The following RBFOX2 variants were observed in gnomAD, a reference collection of about 807,000 sequenced individuals.
The protein encoded by RBFOX2 is RNA binding protein fox-1 homolog 2.
In RBFOX2, 10 loss-of-function variants were observed where a neutral mutation model predicts 49.1. That is an observed-to-expected ratio of 0.20 (90% confidence interval 0.13 to 0.35). The LOEUF is 0.35. Ranked by LOEUF, RBFOX2 falls within the 10% of genes least tolerant of loss-of-function variation. The pLI, the probability that RBFOX2 is intolerant of heterozygous loss-of-function variation, is 1.00. For synonymous variants in RBFOX2, 183 were observed against 187.4 expected, an observed-to-expected ratio of 0.98 and a Z score of 0.19; for missense variants, 323 against 486.9, an observed-to-expected ratio of 0.66 and a Z score of 3.17.
chr22:35,817,849 A>T (rs1219666716), intron 1 of RBFOX2, among the ~76,000 whole-genome samples: 4 of 152,148 alleles, frequency 2.6e-5, no homozygotes, highest in African/African-American at 9.7e-5. Context: ...ATCCTTGCTT[A>T]GAATACCAAT....
chr22:35,760,174 C>A, intron 8 of RBFOX2, 154 bp from the exon 10 acceptor site: 1 of 938,284 alleles, frequency 1.1e-6, no homozygotes. Flanking sequence ...AACGTTCTAC[C>A]CTGGGTCTCT....
At chr22:35,994,261 T>C (rs1228930147) in intron 1 of RBFOX2, 3 of 152,104 alleles carry the variant, frequency 2.0e-5, no homozygotes, top group Non-Finnish European at 4.4e-5. Flanking sequence ...TTTCAACATG[T>C]TGATTTTAAA....
upstream of RBFOX2, among the ~76,000 whole-genome samples, chr22:35,842,253 T>C (rs556681392): frequency 5.9e-4 from 90 of 152,318 alleles, no homozygotes; most frequent in South Asian, 0.018. Context: ...GATATCTGTA[T>C]ACTTGTGGCA....
At chr22:35,977,724 A>ATATATATATATATATC (rs2057248245) in intron 1 of RBFOX2, among the ~76,000 whole-genome samples, 1 of 4,298 alleles carries the variant, frequency 2.3e-4, no homozygotes, top group African/African-American at 4.8e-4. Flanking sequence ...TGAATGAACT[A>ATATATATATATATATC]TATATATATA....
intron 1 of RBFOX2, among the ~76,000 whole-genome samples, chr22:35,906,813 CCAAACAAA>C (rs373509728): frequency 5.7e-4 from 86 of 151,952 alleles, no homozygotes; most frequent in Non-Finnish European, 1.0e-3. Context: ...AGACTCTGTC[CCAAACAAA>C]CAAACAAACA....
chr22:35,843,688 C>T (rs1279109190), upstream of RBFOX2, among the ~76,000 whole-genome samples: 2 of 152,316 alleles, frequency 1.3e-5, no homozygotes. Flanking sequence ...TCTTCTCCAT[C>T]GTACTCTTCT....
chr22:35,827,811 CTTAA>C (rs1956061026), intron 1 of RBFOX2, among the ~76,000 whole-genome samples: 1 of 152,148 alleles, frequency 6.6e-6, no homozygotes, highest in Non-Finnish European at 1.5e-5. Flanking sequence ...TGCAACACTG[CTTAA>C]TTTTCATTTA....
At chr22:35,786,025 T>C (rs1946320320) in intron 2 of RBFOX2, among the ~76,000 whole-genome samples, 1 of 152,198 alleles carries the variant, frequency 6.6e-6, no homozygotes, top group Admixed American at 6.5e-5. Flanking sequence ...CCAGATCTGG[T>C]CTGCAAGATG....
At chr22:35,936,831 A>G (rs2053130628) in intron 1 of RBFOX2, among the ~76,000 whole-genome samples, 1 of 152,142 alleles carries the variant, frequency 6.6e-6, no homozygotes, top group South Asian at 2.1e-4. Context: ...CTCCTTATTG[A>G]TCTATAATCC....
chr22:35,960,357 G>A (rs1195000159), intron 1 of RBFOX2, among the ~76,000 whole-genome samples: 1 of 152,174 alleles, frequency 6.6e-6, no homozygotes. Flanking sequence ...TCCAAGGTCA[G>A]TGAGTGAACT....
chr22:35,902,058 C>T (rs185742175), intron 1 of RBFOX2, among the ~76,000 whole-genome samples: 46 of 151,760 alleles, frequency 3.0e-4, no homozygotes, highest in African/African-American at 1.0e-3. Flanking sequence ...CCAGCCTGGG[C>T]GACAGAGTGA....
chr22:35,827,299 T>C (rs1307411855), intron 1 of RBFOX2, among the ~76,000 whole-genome samples: 3 of 152,324 alleles, frequency 2.0e-5, no homozygotes, highest in East Asian at 3.9e-4. Flanking sequence ...ATTTTCTCCC[T>C]CTTCTGCAAG....
chr22:35,930,045 G>A (rs142308483), intron 1 of RBFOX2, among the ~76,000 whole-genome samples: 3,254 of 131,716 alleles, frequency 0.025, 130 homozygotes, highest in African/African-American at 0.086. Flanking sequence ...TTTTTGAGAC[G>A]GAGTCTCACT....
At chr22:35,819,679 C>T (rs1049803026) in intron 1 of RBFOX2, among the ~76,000 whole-genome samples, 10 of 152,192 alleles carry the variant, frequency 6.6e-5, no homozygotes, top group Non-Finnish European at 1.3e-4. Context: ...ATATTCTGTT[C>T]TAGCTGCTGA....
chr22:35,918,277 C>T (rs907471580), intron 1 of RBFOX2, among the ~76,000 whole-genome samples: 10 of 152,170 alleles, frequency 6.6e-5, no homozygotes, highest in African/African-American at 2.4e-4. Context: ...CTGAGCCATA[C>T]CACTCATTTT....
intron 1 of RBFOX2, among the ~76,000 whole-genome samples, chr22:35,899,291 A>G (rs1438659222): frequency 6.6e-6 from 1 of 152,078 alleles, no homozygotes; most frequent in Non-Finnish European, 1.5e-5. Flanking sequence ...ATATGTCACA[A>G]AAACTCTGCA....
chr22:35,832,304 C>T (rs1178646672), intron 1 of RBFOX2, among the ~76,000 whole-genome samples: 1 of 148,372 alleles, frequency 6.7e-6, no homozygotes, highest in Non-Finnish European at 1.5e-5. Flanking sequence ...ACCCAGGAGG[C>T]GGAGGTTGCA....
chr22:35,883,838 G>C (rs1011969232), intron 1 of RBFOX2, among the ~76,000 whole-genome samples: 1 of 151,818 alleles, frequency 6.6e-6, no homozygotes, highest in Non-Finnish European at 1.5e-5. Context: ...TTAAGACCTC[G>C]TGACAATCGC....
intron 1 of RBFOX2, among the ~76,000 whole-genome samples, chr22:35,855,419 T>G (rs1192701140): frequency 6.6e-6 from 1 of 152,138 alleles, no homozygotes; most frequent in Non-Finnish European, 1.5e-5. Context: ...TTCACTTTTT[T>G]TTTCTGAGAC....
Sources: allele counts gnomAD v4.1 joint callset (sites outside exome capture counted in the v4.1 genomes callset), GRCh38; gene constraint gnomAD v4.1.1; transcripts MANE v1.5; gene names NCBI Gene and HGNC (gene_info 2026-07-23, HGNC 2026-07-21).